ARFGEF2: variants seen among roughly 807,000 people sequenced by gnomAD.
ARFGEF2 encodes ARF guanine nucleotide exchange factor 2.
A neutral mutation model predicts 219.9 loss-of-function variants in ARFGEF2; 74 were observed. The ratio of observed to expected loss-of-function variants is 0.34; its 90% CI spans 0.28 to 0.41. The LOEUF is 0.41. ARFGEF2 is among the 10% of genes least tolerant of loss of function. The pLI is 1.00. For synonymous variants in ARFGEF2, 733 were observed against 799.2 expected (o/e 0.92, Z 1.40); for missense variants, 1,743 against 2,218.3 (o/e 0.79, Z 4.30).
rs1387606069 is a variant in ARFGEF2 at position 48,988,586 on chromosome 20, T to C, written c.2457T>C (p.Tyr819=). ...CAGAAGAGTATCTCTCAAGCATCTA[T>C]GAAGAGATAGAAGGCAAGAAAATTG... The part of the protein sequence containing the change: ...DLPEEYLSSI[Y]EEIEGKKIAM... The change falls in exon 18 of 39, where the codon TAT becomes TAC. Residue 819 remains tyrosine, a synonymous_variant. Transcript: ENST00000371917. 1 of 1,613,780 alleles carries C rather than the reference T, an allele frequency of 6.2e-7. No individual in the cohort carries two copies. The highest frequency in any genetic ancestry group is 8.5e-7 in the Non-Finnish European group (1 of 1,179,952).
chr20:48,991,490 T>A (rs1356996071), intron 21 of ARFGEF2, among the ~76,000 whole-genome samples: 20 of 151,860 alleles, frequency 1.3e-4, no homozygotes, highest in Non-Finnish European at 2.9e-5. Flanking sequence ...TTAGTCCTTA[T>A]GTACCTCTTG....
intron 35 of ARFGEF2, among the ~76,000 whole-genome samples, chr20:49,023,865 G>A (rs1395034206): frequency 1.3e-5 from 2 of 152,192 alleles, no homozygotes; most frequent in African/African-American, 2.4e-5. Flanking sequence ...ACAAATAAGT[G>A]AGGAGGAAAA....
In ARFGEF2 at chr20:48,989,542, T is replaced by G; in HGVS notation, c.2686-14T>G. ...AAAACTCTGGATGTTATTGAAATCTTCCTTCCATGATAGCTGGTGTGGACG... is the reference window on the plus strand; with the variant it reads ...AAAACTCTGGATGTTATTGAAATCTGCCTTCCATGATAGCTGGTGTGGACG... On this transcript the variant is annotated splice_polypyrimidine_tract_variant and intron_variant, in intron 19 of 38. Coordinates refer to ENST00000371917, the MANE Select transcript of ARFGEF2 (RefSeq NM_006420.3). The G allele has an allele frequency of 6.2e-7, 1 of 1,614,228 alleles. No individual in the cohort carries two copies. The highest frequency in any genetic ancestry group is 8.5e-7 in the Non-Finnish European group (1 of 1,180,044).
intron 26 of ARFGEF2, among the ~76,000 whole-genome samples, chr20:49,006,877 G>T (rs2091463433): frequency 6.8e-6 from 1 of 147,030 alleles, no homozygotes; most frequent in African/African-American, 2.5e-5. Flanking sequence ...GCCGTTGGAG[G>T]TTTTTGTTTT....
intron 3 of ARFGEF2, among the ~76,000 whole-genome samples, chr20:48,945,863 C>G (rs1183962603): frequency 3.9e-5 from 6 of 151,940 alleles, no homozygotes; most frequent in African/African-American, 1.5e-4. Context: ...GACCCTGTCT[C>G]TTTAAAAAAA....
intron 8 of ARFGEF2, 69 bp downstream of exon 8, chr20:48,966,092 C>G: frequency 3.1e-6 from 5 of 1,589,094 alleles, no homozygotes; most frequent in Non-Finnish European, 8.6e-7. Context: ...AGAATTAAGT[C>G]TTTCCTCAAA....
chr20:49,020,642 C>T (rs554902624), intron 34 of ARFGEF2, among the ~76,000 whole-genome samples: 2 of 152,294 alleles, frequency 1.3e-5, no homozygotes, highest in African/African-American at 4.8e-5. Flanking sequence ...GATGGGGTCT[C>T]ACTTTGTTGC....
intron 9 of ARFGEF2, among the ~76,000 whole-genome samples, chr20:48,970,901 T>C (rs2091223117): frequency 1.3e-5 from 2 of 152,210 alleles, no homozygotes; most frequent in African/African-American, 4.8e-5. Context: ...TACTTTGTGA[T>C]GGAAAGAGAC....
chr20:49,026,607 G>T (rs2123569356), intron 36 of ARFGEF2, among the ~76,000 whole-genome samples: 1 of 144,638 alleles, frequency 6.9e-6, no homozygotes, highest in African/African-American at 2.6e-5. Flanking sequence ...TTTTTTTGAG[G>T]CAGAGTCTTA....
At chr20:49,027,180 G>A (rs908289971) in intron 36 of ARFGEF2, among the ~76,000 whole-genome samples, 2 of 151,756 alleles carry the variant, frequency 1.3e-5, no homozygotes, top group Non-Finnish European at 2.9e-5. Flanking sequence ...TAGCCTCCTG[G>A]GTTCAAGCGA....
chr20:48,941,236 T>C lies in ARFGEF2; in HGVS notation c.152+7T>C. On this transcript the variant is annotated splice_region_variant and intron_variant, in intron 2 of 38. Transcript: ENST00000371917. ...CAGAAATAGAAAAGCAGAGGTAAGC[T>C]ATAGCACTACCTCCTTGCTGAGATA... is the stretch of plus-strand genomic sequence containing the variant. 6.2e-7 allele frequency: 1 copy of C among 1,613,266 alleles called. No homozygotes were observed. Among genetic ancestry groups the C allele is most frequent in the Non-Finnish European group, 8.5e-7 (1 of 1,179,476 alleles).
rs1427854244 is a variant in ARFGEF2 at position 48,936,546 on chromosome 20, C to T, written c.122-4653C>T. Among the ~76,000 whole-genome samples the T allele has an allele frequency of 7.9e-5, 12 of 151,560 alleles. No individual in the cohort carries two copies. The South Asian group carries it at 1.9e-3, about 24-fold the overall frequency. The stretch of plus-strand genomic sequence containing the variant: ...TCACTTCTCTCTTTTTTTTTTGAGA[C>T]GGAGTTTCCCTCTTGTTGCCCAGGC... On this transcript the variant is annotated intron_variant, in intron 1 of 38. Transcript: ENST00000371917.
intron 9 of ARFGEF2, among the ~76,000 whole-genome samples, chr20:48,970,188 G>A (rs1169634409): frequency 6.6e-6 from 1 of 152,114 alleles, no homozygotes; most frequent in Non-Finnish European, 1.5e-5. Context: ...GCTAGTACAT[G>A]CCTGTAATCC....
intron 36 of ARFGEF2, among the ~76,000 whole-genome samples, chr20:49,026,026 T>C (rs980598997): frequency 6.6e-6 from 1 of 150,904 alleles, no homozygotes; most frequent in Admixed American, 6.6e-5. Context: ...AGAATTGAAT[T>C]GATCTAGCAA....
chr20:48,984,133 C>G (rs554614415), intron 14 of ARFGEF2, among the ~76,000 whole-genome samples: 1 of 151,940 alleles, frequency 6.6e-6, no homozygotes, highest in Non-Finnish European at 1.5e-5. Context: ...CAAAAGTGGA[C>G]AGTCTAAGGC....
rs190557876 is a variant in ARFGEF2 at position 48,978,678 on chromosome 20, A to G, written c.1958+2479A>G. Among the ~76,000 whole-genome samples, 377 of 152,244 alleles carry G rather than the reference A, an allele frequency of 2.5e-3. 2 individuals are homozygous for G. Among genetic ancestry groups the G allele is most frequent in the Middle Eastern group, 0.024 (7 of 294 alleles). On this transcript the variant is annotated intron_variant, in intron 14 of 38. Transcript: ENST00000371917. ...TGGTTTATAGTTCTCCTTGAAGAAG[A>G]GGTCCTTCACATCCCTTGTAAGTTG...
At chr20:49,026,153 A>G (rs1316265072) in intron 36 of ARFGEF2, among the ~76,000 whole-genome samples, 3 of 152,004 alleles carry the variant, frequency 2.0e-5, no homozygotes, top group Non-Finnish European at 4.4e-5. Flanking sequence ...TGGGCAACAT[A>G]GCAAAACCCC....
intron 6 of ARFGEF2, among the ~76,000 whole-genome samples, chr20:48,960,877 C>A (rs1367325335): frequency 4.0e-5 from 6 of 150,976 alleles, no homozygotes; most frequent in Non-Finnish European, 7.4e-5. Flanking sequence ...GTCAAGAGAT[C>A]GAGACCATCC....
intron 35 of ARFGEF2, 72 bp from the exon 36 acceptor site, chr20:49,025,241 T>C: frequency 6.7e-7 from 1 of 1,500,542 alleles, no homozygotes; most frequent in Non-Finnish European, 9.1e-7. Flanking sequence ...TGACTGCCGT[T>C]GTCTGCAATC....
Sources: allele counts gnomAD v4.1 joint callset (sites outside exome capture counted in the v4.1 genomes callset), GRCh38; gene constraint gnomAD v4.1.1; transcripts MANE v1.5; gene names NCBI Gene and HGNC (gene_info 2026-07-23, HGNC 2026-07-21).